EXOC2: variants seen among roughly 807,000 people sequenced by gnomAD.
EXOC2 encodes SEC5-like 1.
In EXOC2, 70 loss-of-function variants were observed where a neutral mutation model predicts 131.8. The ratio of observed to expected loss-of-function variants is 0.53; its 90% CI spans 0.44 to 0.65. EXOC2 has a LOEUF of 0.65. Ranked by LOEUF, EXOC2 falls within the 30% of genes least tolerant of loss-of-function variation. The pLI is 0.00. For synonymous variants in EXOC2, 411 were observed against 398.4 expected (o/e 1.03, Z -0.38); for missense variants, 923 against 1,108.6 (o/e 0.83, Z 2.38).
chr6:623,491 CA>C (rs1378255890), intron 4 of EXOC2, among the ~76,000 whole-genome samples: 1 of 152,192 alleles, frequency 6.6e-6, no homozygotes, highest in Non-Finnish European at 1.5e-5. Flanking sequence ...AAGAACAAGA[CA>C]GACATTATTT....
chr6:691,955 A>G (rs562990851), intron 1 of EXOC2, among the ~76,000 whole-genome samples: 93 of 152,336 alleles, frequency 6.1e-4, no homozygotes, highest in Non-Finnish European at 9.8e-4. Context: ...TAGCACAAAA[A>G]AATCATCTTT....
intron 1 of EXOC2, among the ~76,000 whole-genome samples, chr6:664,293 G>A (rs1273154999): frequency 6.6e-6 from 1 of 152,106 alleles, no homozygotes; most frequent in African/African-American, 2.4e-5. Flanking sequence ...GAAAGAAATT[G>A]TAGATGACAC....
intron 1 of EXOC2, among the ~76,000 whole-genome samples, chr6:675,815 A>C (rs372479370): frequency 2.3e-5 from 1 of 44,306 alleles, no homozygotes; most frequent in African/African-American, 5.9e-5. Context: ...GGAGACTCTG[A>C]GGTTCCCCAT....
chr6:658,301 C>T (rs182952816), intron 1 of EXOC2, among the ~76,000 whole-genome samples: 18 of 152,198 alleles, frequency 1.2e-4, no homozygotes, highest in Admixed American at 7.2e-4. Flanking sequence ...ATTTCAATAT[C>T]GAATAGGACA....
chr6:656,584 ACGAGACCAG>A, intron 1 of EXOC2: 1 of 1,593,298 alleles, frequency 6.3e-7, no homozygotes, highest in South Asian at 1.1e-5. Context: ...CGGCCCAGGG[ACGAGACCAG>A]CTCCACCGCC....
chr6:604,713 G>A (rs1760301051), intron 7 of EXOC2, among the ~76,000 whole-genome samples: 1 of 147,692 alleles, frequency 6.8e-6, no homozygotes, highest in Non-Finnish European at 1.5e-5. Flanking sequence ...CTCACGCGCT[G>A]GCCCTGCGGG....
intron 23 of EXOC2, among the ~76,000 whole-genome samples, chr6:521,466 T>C (rs1263588216): frequency 6.6e-6 from 1 of 152,106 alleles, no homozygotes; most frequent in Non-Finnish European, 1.5e-5. Context: ...TTTAGAATAA[T>C]GAAGAAAGGT....
intron 1 of EXOC2, among the ~76,000 whole-genome samples, chr6:659,070 T>TATC (rs1763296731): frequency 1.3e-5 from 2 of 152,188 alleles, no homozygotes; most frequent in Admixed American, 1.3e-4. Flanking sequence ...TAATATACAG[T>TATC]ATCTTGAAGT....
Position 487,565 on chromosome 6 carries a change from C to G in EXOC2, c.2682-801G>C, listed in dbSNP as rs965906255. Among the ~76,000 whole-genome samples, 4 of 152,208 alleles carry G rather than the reference C, an allele frequency of 2.6e-5. 1 individual carries two copies. In the South Asian group the frequency reaches 8.3e-4, roughly 32 times the overall value. ...GAAACTACAGGTGCCCGCCACCACACCCGGCTAATTTTTGTATTTTTAGTA... is the reference window on the plus strand; with the variant it reads ...GAAACTACAGGTGCCCGCCACCACAGCCGGCTAATTTTTGTATTTTTAGTA... On this transcript the variant is annotated intron_variant, in intron 27 of 27. Transcript: ENST00000230449.
intron 23 of EXOC2, among the ~76,000 whole-genome samples, chr6:502,232 C>G (rs1344407713): frequency 6.6e-6 from 1 of 152,194 alleles, no homozygotes. Flanking sequence ...AAATTCACAG[C>G]CTCTGCCCTC....
At chr6:505,134 C>G (rs938081168) in intron 23 of EXOC2, among the ~76,000 whole-genome samples, 1 of 150,068 alleles carries the variant, frequency 6.7e-6, no homozygotes, top group African/African-American at 2.5e-5. Flanking sequence ...AACACAACAA[C>G]GGCAGAAAAA....
intron 23 of EXOC2, among the ~76,000 whole-genome samples, chr6:504,335 AGCGGCTG>A (rs1764402990): frequency 6.6e-6 from 1 of 152,202 alleles, no homozygotes; most frequent in South Asian, 2.1e-4. Context: ...CCGTTATGGA[AGCGGCTG>A]AGGCCTCGCG....
chr6:604,308 C>G (rs906707663), intron 7 of EXOC2, among the ~76,000 whole-genome samples: 6 of 152,146 alleles, frequency 3.9e-5, no homozygotes, highest in South Asian at 4.2e-4. Flanking sequence ...CAAACCTTCC[C>G]TGTCCCTTCA....
chr6:579,288 G>A (rs1161152956), intron 11 of EXOC2, among the ~76,000 whole-genome samples: 1 of 152,066 alleles, frequency 6.6e-6, no homozygotes, highest in African/African-American at 2.4e-5. Context: ...TTTTGTAATG[G>A]TTAAAAGATT....
Position 532,609 on chromosome 6 carries a change from A to G in EXOC2, c.2240T>C (p.Val747Ala). The part of the protein sequence containing the change: ...NFQGIEKITQ[V>A]SMASLKELDQ... ...TAGTTCTTTCAATGAGGCCATGCTA[A>G]CCTATAAACACATAATGAAGAGTAT... The change falls in exon 23 of 28, where the codon GTT becomes GCT. Residue 747 changes from valine to alanine, a missense_variant and splice_region_variant. Transcript: ENST00000230449. The G allele has an allele frequency of 6.5e-7, 1 of 1,548,428 alleles. No individual in the cohort carries two copies. Among genetic ancestry groups the G allele is most frequent in the Non-Finnish European group, 8.7e-7 (1 of 1,153,358 alleles).
chr6:584,718 T>C (rs1241592743), intron 11 of EXOC2, among the ~76,000 whole-genome samples: 3 of 152,264 alleles, frequency 2.0e-5, no homozygotes, highest in Non-Finnish European at 4.4e-5. Context: ...TCTCGAGAAC[T>C]TACTGCTTAC....
chr6:635,845 G>A lies in EXOC2; in HGVS notation c.118+1856C>T, dbSNP rs564413439. ...TGGGAGACCGAGGCAGGCGGATCAC[G>A]AGGTCAAGAGATTGTGACCATCCTG... On this transcript the variant is annotated intron_variant, in intron 2 of 27. Coordinates refer to ENST00000230449, the MANE Select transcript of EXOC2 (RefSeq NM_018303.6). Among the ~76,000 whole-genome samples, 16 of 152,340 alleles carry A rather than the reference G, an allele frequency of 1.1e-4. No homozygotes were observed. The South Asian group carries it at 1.5e-3, about 14-fold the overall frequency.
chr6:657,158 C>G, intron 1 of EXOC2: 2 of 407,152 alleles, frequency 4.9e-6, no homozygotes, highest in Non-Finnish European at 8.6e-6. Flanking sequence ...AACGCCCGTT[C>G]TCACCTTCCC....
intron 22 of EXOC2, among the ~76,000 whole-genome samples, chr6:535,672 G>A (rs1029435069): frequency 1.3e-5 from 2 of 152,194 alleles, no homozygotes; most frequent in African/African-American, 4.8e-5. Context: ...ACAAGGACTT[G>A]ACAATGAGAA....
Sources: allele counts gnomAD v4.1 joint callset (sites outside exome capture counted in the v4.1 genomes callset), GRCh38; gene constraint gnomAD v4.1.1; transcripts MANE v1.5; gene names NCBI Gene and HGNC (gene_info 2026-07-23, HGNC 2026-07-21).